PCDH7: variants seen among roughly 807,000 people sequenced by gnomAD.
The protein encoded by PCDH7 is protocadherin-7.
PCDH7 carries 17 observed loss-of-function variants against 58.9 expected under a neutral mutation model. That is an observed-to-expected ratio of 0.29 (90% confidence interval 0.20 to 0.43). PCDH7 has a LOEUF of 0.43. PCDH7 is among the 20% of genes least tolerant of loss of function. PCDH7 has a pLI of 1.00. For synonymous variants in PCDH7, 664 were observed against 616.4 expected (o/e 1.08, Z -1.14); for missense variants, 1,274 against 1,441.0 (o/e 0.88, Z 1.88).
At chr4:30,952,602 T>C (rs1333273047) in intron 3 of PCDH7, among the ~76,000 whole-genome samples, 1 of 151,868 alleles carries the variant, frequency 6.6e-6, no homozygotes, top group Non-Finnish European at 1.5e-5. Context: ...TGAATTAAAT[T>C]GGGAGGGAAA....
intron 1 of PCDH7, among the ~76,000 whole-genome samples, chr4:30,755,838 T>G (rs766925200): frequency 3.2e-4 from 49 of 152,028 alleles, no homozygotes; most frequent in Non-Finnish European, 4.0e-4. Context: ...CCCAGCACTT[T>G]GGGAGGCTGA....
At chr4:30,926,130 T>G (rs1012058492) in intron 2 of PCDH7, among the ~76,000 whole-genome samples, 1 of 152,292 alleles carries the variant, frequency 6.6e-6, no homozygotes, top group South Asian at 2.1e-4. Context: ...GATAAAATGT[T>G]TTACCATTAT....
chr4:30,989,146 G>GTT (rs35819946), intron 3 of PCDH7, among the ~76,000 whole-genome samples: 12 of 149,814 alleles, frequency 8.0e-5, no homozygotes, highest in East Asian at 7.8e-4. Context: ...TCAAATCACA[G>GTT]TTTTTTTTTT....
chr4:31,090,787 A>AT (rs1481446300), intron 3 of PCDH7, among the ~76,000 whole-genome samples: 1 of 151,860 alleles, frequency 6.6e-6, no homozygotes, highest in Non-Finnish European at 1.5e-5. Flanking sequence ...TTTCTTGACT[A>AT]TTTTTTTCTG....
chr4:31,107,744 A>C (rs1244227204), intron 3 of PCDH7, among the ~76,000 whole-genome samples: 3 of 152,154 alleles, frequency 2.0e-5, no homozygotes, highest in Non-Finnish European at 2.9e-5. Context: ...TTTATAATCT[A>C]GTGGGAAAAA....
chr4:31,007,012 G>A (rs530121504), intron 3 of PCDH7, among the ~76,000 whole-genome samples: 2 of 152,198 alleles, frequency 1.3e-5, no homozygotes, highest in South Asian at 4.1e-4. Context: ...AGCAGGCCCT[G>A]CTAACCATCT....
intron 1 of PCDH7, among the ~76,000 whole-genome samples, chr4:30,819,959 C>T (rs1375096345): frequency 6.6e-6 from 1 of 151,966 alleles, no homozygotes; most frequent in Non-Finnish European, 1.5e-5. Context: ...TAAGGGTGCT[C>T]TAAATATGTT....
Position 31,068,713 on chromosome 4 carries a change from A to T in PCDH7, c.*8-73760A>T, listed in dbSNP as rs192974279. On this transcript the variant is annotated intron_variant, in intron 3 of 3. Coordinates refer to the PCDH7 transcript ENST00000509759. ...ACGTCTCCCTAACCTGTCTGCTGGG[A>T]TCCTTGAGATTGAGTTATAAGAAAG... Among the ~76,000 whole-genome samples the T allele has an allele frequency of 2.6e-3, 399 of 152,090 alleles. 2 individuals carry two copies. Among genetic ancestry groups the T allele is most frequent in the Middle Eastern group, 3.4e-3 (1 of 294 alleles).
Position 30,724,910 on chromosome 4 carries a change from G to A in PCDH7, c.3174+314G>A, listed in dbSNP as rs143979540. ...ATTTTTTTGTTTCCAGAATAAATAT[G>A]TGTGTATTACTTAGATGGTTAGTTT... On this transcript the variant is annotated intron_variant, in intron 1 of 1. Transcript: ENST00000361762. 7.8e-4 allele frequency: 888 copies of A among 1,138,626 alleles called. 6 individuals are homozygous for A. The African/African-American group carries it at 0.013, about 17-fold the overall frequency. The allele number at this position is 1,138,626 out of a possible 1,614,324, so 70.5% of individuals were successfully genotyped here.
chr4:30,826,436 C>T (rs1194513323), intron 1 of PCDH7, among the ~76,000 whole-genome samples: 2 of 151,874 alleles, frequency 1.3e-5, no homozygotes, highest in African/African-American at 4.8e-5. Context: ...CAATAATCCA[C>T]CCTCGGTCCA....
intron 2 of PCDH7, among the ~76,000 whole-genome samples, chr4:30,946,330 A>T (rs998731829): frequency 9.9e-5 from 15 of 152,130 alleles, no homozygotes; most frequent in South Asian, 2.1e-4. Context: ...CCTGTAATAT[A>T]TTAACATATT....
chr4:30,933,013 GTTTC>G (rs755430074), intron 2 of PCDH7, among the ~76,000 whole-genome samples: 4 of 138,552 alleles, frequency 2.9e-5, no homozygotes, highest in African/African-American at 8.3e-5. Flanking sequence ...CAGAGGAGGA[GTTTC>G]TTTCTTTCTT....
intron 3 of PCDH7, among the ~76,000 whole-genome samples, chr4:30,996,855 G>A (rs1293091918): frequency 6.6e-6 from 1 of 152,048 alleles, no homozygotes; most frequent in Non-Finnish European, 1.5e-5. Flanking sequence ...AATAATCCAT[G>A]GTGTAAAACA....
intron 1 of PCDH7, among the ~76,000 whole-genome samples, chr4:30,772,134 T>A (rs946364849): frequency 6.6e-6 from 1 of 152,150 alleles, no homozygotes; most frequent in Admixed American, 6.5e-5. Context: ...ACTCCAAAAG[T>A]GCTGGGATTA....
rs566062601 is a variant in PCDH7 at position 30,724,870 on chromosome 4, C to T, written c.3174+274C>T. ...GGCAGTTCTCTTTGCACTTGACATC[C>T]CTAATTCATACTACATTTTTTTGTT... is the stretch of plus-strand genomic sequence containing the variant. On this transcript the variant is annotated intron_variant, in intron 1 of 1. Transcript: ENST00000361762. 9 of 1,234,978 alleles carry T rather than the reference C, an allele frequency of 7.3e-6. No individual in the cohort carries two copies. The African/African-American group carries it at 1.1e-4, about 15-fold the overall frequency. The allele number at this position is 1,234,978 out of a possible 1,614,324, so 76.5% of individuals were successfully genotyped here.
rs114024382 is a variant in PCDH7, at chr4:30,997,179, G to A, written c.*7+46964G>A. 5.5e-3 allele frequency among the ~76,000 whole-genome samples: 834 copies of A among 151,952 alleles called. 13 individuals carry two copies. Among genetic ancestry groups the A allele is most frequent in the African/African-American group, 0.019 (791 of 41,462 alleles). On this transcript the variant is annotated intron_variant, in intron 3 of 3. Transcript: ENST00000509759. ...TGGGAAAATTTACCAGCTAAAGAGCGATATAATAAAGTGGTTGAGGAAAAC... is the reference window on the plus strand; with the variant it reads ...TGGGAAAATTTACCAGCTAAAGAGCAATATAATAAAGTGGTTGAGGAAAAC...
chr4:30,913,627 A>G (rs1272691150), intron 1 of PCDH7, among the ~76,000 whole-genome samples: 1 of 152,114 alleles, frequency 6.6e-6, no homozygotes, highest in Non-Finnish European at 1.5e-5. Flanking sequence ...TAGAGATGCA[A>G]TTTTACGAAA....
intron 1 of PCDH7, among the ~76,000 whole-genome samples, chr4:30,738,383 C>T (rs1716599908): frequency 6.7e-6 from 1 of 150,230 alleles, no homozygotes; most frequent in South Asian, 2.1e-4. Context: ...CCTTATGGAT[C>T]TGTTCTTAAA....
Position 31,019,612 on chromosome 4 carries a change from C to T in PCDH7, c.*7+69397C>T, listed in dbSNP as rs1431906690. Among the ~76,000 whole-genome samples the T allele has an allele frequency of 2.6e-5, 4 of 151,814 alleles. No individual in the cohort carries two copies. The East Asian group carries it at 7.8e-4, about 30-fold the overall frequency. On this transcript the variant is annotated intron_variant, in intron 3 of 3. Coordinates refer to the PCDH7 transcript ENST00000509759. ...TTGGGAGGCTGAGGCAGGCTTTAAC[C>T]CAGGAGGTGGAGGTTGCAGTGAGCC...
Sources: allele counts gnomAD v4.1 joint callset (sites outside exome capture counted in the v4.1 genomes callset), GRCh38; gene constraint gnomAD v4.1.1; transcripts MANE v1.5; gene names NCBI Gene and HGNC (gene_info 2026-07-23, HGNC 2026-07-21).